The following ADAM32 variants were observed in gnomAD, a reference collection of about 807,000 sequenced individuals.
ADAM32 encodes ADAM metallopeptidase domain 32.
ADAM32 carries 89 observed loss-of-function variants against 114.9 expected under a neutral mutation model. That is an observed-to-expected ratio of 0.77 (90% CI 0.65 to 0.92). ADAM32 has a LOEUF of 0.92. Among genes scored for constraint, ADAM32 ranks in the 40% least tolerant of loss-of-function variants. The pLI, the probability that ADAM32 is intolerant of heterozygous loss-of-function variation, is 0.00. For missense variants in ADAM32, 870 were observed against 932.8 expected (o/e 0.93, Z 0.88); for synonymous variants, 285 against 307.5 (o/e 0.93, Z 0.77).
At chr8:39,200,214 T>C (rs1807304497) in intron 11 of ADAM32, among the ~76,000 whole-genome samples, 1 of 152,234 alleles carries the variant, frequency 6.6e-6, no homozygotes. Context: ...TCCACAATGG[T>C]TGAACTAGTT....
At chr8:39,138,416 A>C (rs1043252287) in intron 3 of ADAM32, among the ~76,000 whole-genome samples, 8 of 151,612 alleles carry the variant, frequency 5.3e-5, no homozygotes, top group Admixed American at 5.3e-4. Context: ...GAGTGTGAAC[A>C]TGCGGTGTTT....
At chr8:39,252,717 A>G (rs563197322) in intron 17 of ADAM32, among the ~76,000 whole-genome samples, 21 of 151,762 alleles carry the variant, frequency 1.4e-4, no homozygotes, top group African/African-American at 4.8e-4. Context: ...ACTCAAAATC[A>G]GAAATGAAGG....
At chr8:39,282,314 G>A (rs2129451818) in intron 23 of ADAM32, among the ~76,000 whole-genome samples, 2 of 152,218 alleles carry the variant, frequency 1.3e-5, no homozygotes, top group Middle Eastern at 3.4e-3. Flanking sequence ...CGAATGAGTG[G>A]TTTCTCTTGA....
intron 11 of ADAM32, among the ~76,000 whole-genome samples, chr8:39,192,561 G>T (rs1806678331): frequency 6.6e-6 from 1 of 152,128 alleles, no homozygotes; most frequent in Non-Finnish European, 1.5e-5. Flanking sequence ...CCATCATGTT[G>T]TTAGCTGGTT....
At chr8:39,201,003 A>G (rs1293812200) in intron 11 of ADAM32, among the ~76,000 whole-genome samples, 1 of 152,144 alleles carries the variant, frequency 6.6e-6, no homozygotes, top group Non-Finnish European at 1.5e-5. Flanking sequence ...TGGTACCAGT[A>G]TCATGCTGTT....
intron 11 of ADAM32, among the ~76,000 whole-genome samples, chr8:39,208,047 T>C (rs1312314981): frequency 1.3e-5 from 2 of 152,194 alleles, no homozygotes; most frequent in Non-Finnish European, 2.9e-5. Flanking sequence ...AGTGCAAATA[T>C]CTCTGTGACA....
intron 11 of ADAM32, among the ~76,000 whole-genome samples, chr8:39,191,738 A>G (rs193263241): frequency 6.6e-6 from 1 of 152,108 alleles, no homozygotes; most frequent in African/African-American, 2.4e-5. Flanking sequence ...TGCTGTGCAG[A>G]AGCTCTTTAG....
chr8:39,270,133 A>G (rs966029274), intron 19 of ADAM32, among the ~76,000 whole-genome samples: 14 of 152,160 alleles, frequency 9.2e-5, no homozygotes, highest in African/African-American at 2.4e-4. Flanking sequence ...ACAATTTAAG[A>G]TGAGATTTGG....
rs1050561498 is a variant in ADAM32 at position 39,221,491 on chromosome 8, T to C, written c.1234-119T>C. Reference sequence around the variant, plus strand: ...TTAAAGATGTTAAAACCTGTAACTATCAGCAGCATTCATATCCTTTTCCAA... The same window carrying C: ...TTAAAGATGTTAAAACCTGTAACTACCAGCAGCATTCATATCCTTTTCCAA... On this transcript the variant is annotated intron_variant, in intron 12 of 24. Transcript: ENST00000379907. 8 of 717,178 alleles carry C rather than the reference T, an allele frequency of 1.1e-5. No individual in the cohort carries two copies. The African/African-American group carries it at 1.2e-4, about 11-fold the overall frequency. The allele number at this position is 717,178 out of a possible 1,614,324, so 44.4% of individuals were successfully genotyped here. A position where few individuals can be genotyped will look rare whatever the true frequency, so the allele number is the denominator to read the frequency against.
chr8:39,218,371 A>G (rs1428608912), intron 12 of ADAM32, among the ~76,000 whole-genome samples: 9 of 152,074 alleles, frequency 5.9e-5, no homozygotes, highest in Admixed American at 2.6e-4. Flanking sequence ...CTACCTGACT[A>G]CTGACTATGT....
intron 2 of ADAM32, among the ~76,000 whole-genome samples, chr8:39,133,264 G>T (rs529221961): frequency 2.0e-5 from 3 of 152,134 alleles, no homozygotes; most frequent in African/African-American, 4.8e-5. Context: ...CTCTCACCAT[G>T]TGATCTGCTC....
At chr8:39,209,008 G>A (rs1462666475) in intron 11 of ADAM32, among the ~76,000 whole-genome samples, 1 of 151,798 alleles carries the variant, frequency 6.6e-6, no homozygotes, top group African/African-American at 2.4e-5. Context: ...TCCCTTTGAA[G>A]GTCAATGACT....
At chr8:39,107,707 C>T (rs756819288), upstream of ADAM32, 70 of 1,546,210 alleles carry the variant, frequency 4.5e-5, no homozygotes, top group Middle Eastern at 1.7e-4. Context: ...CCGGCGTCCG[C>T]GCGTCCCCGC....
At chr8:39,163,033 A>G (rs1428596088) in intron 7 of ADAM32, among the ~76,000 whole-genome samples, 1 of 152,158 alleles carries the variant, frequency 6.6e-6, no homozygotes, top group African/African-American at 2.4e-5. Flanking sequence ...AAACAATCAT[A>G]GTATTCATAT....
At chr8:39,176,817 G>A (rs1484175063) in intron 10 of ADAM32, among the ~76,000 whole-genome samples, 1 of 152,176 alleles carries the variant, frequency 6.6e-6, no homozygotes, top group South Asian at 2.1e-4. Context: ...TTGTGTGGGA[G>A]TCTAAGTCTC....
chr8:39,278,408 G>A (rs1339525559), intron 22 of ADAM32, among the ~76,000 whole-genome samples: 1 of 152,130 alleles, frequency 6.6e-6, no homozygotes, highest in East Asian at 1.9e-4. Flanking sequence ...ACCCTTTTCT[G>A]CCTAGAATTT....
At chr8:39,246,262 C>T (rs994273425) in intron 17 of ADAM32, 96 bp downstream of exon 17, 40 of 1,021,502 alleles carry the variant, frequency 3.9e-5, no homozygotes, top group African/African-American at 1.6e-4. Context: ...TACCATGTGA[C>T]AGACTCTGTT....
At chr8:39,160,479 G>C (rs1340711481) in intron 6 of ADAM32, among the ~76,000 whole-genome samples, 2 of 137,548 alleles carry the variant, frequency 1.5e-5, no homozygotes, top group Non-Finnish European at 3.0e-5. Context: ...GGCGGAGCTT[G>C]CAGTGAGCTG....
intron 3 of ADAM32, among the ~76,000 whole-genome samples, chr8:39,139,646 T>C (rs1360519150): frequency 6.6e-6 from 1 of 152,228 alleles, no homozygotes; most frequent in Non-Finnish European, 1.5e-5. Context: ...TAGGATTATC[T>C]TGGCAATGCG....
Sources: gnomAD v4.1 joint callset for allele counts (sites outside exome capture counted in the v4.1 genomes callset) on GRCh38, gnomAD v4.1.1 for gene constraint, MANE v1.5 for transcripts, NCBI Gene and HGNC (gene_info 2026-07-23, HGNC 2026-07-21) for gene names.